NETO1: variants seen among roughly 807,000 people sequenced by gnomAD.
NETO1 encodes the protein neuropilin and tolloid like 1, also known as neuropilin and tolloid-like protein 1.
Under a neutral mutation model 61.3 loss-of-function variants are expected in NETO1, and 26 were observed. That is an observed-to-expected ratio of 0.42 (90% confidence interval 0.31 to 0.59). The LOEUF is 0.59. NETO1 is among the 20% of genes least tolerant of loss of function. NETO1 has a pLI of 0.12. For synonymous variants in NETO1, 225 were observed against 225.8 expected (o/e 1.00, Z 0.03); for missense variants, 531 against 662.8 (o/e 0.80, Z 2.18).
intron 9 of NETO1, 22 bp from the exon 10 acceptor site, chr18:72,749,110 A>G: frequency 7.0e-7 from 1 of 1,437,732 alleles, no homozygotes; most frequent in Non-Finnish European, 9.7e-7. Flanking sequence ...TGGCTATTTC[A>G]TTCAACAAAG....
At chr18:72,855,019 T>C (rs1354608629) in intron 4 of NETO1, among the ~76,000 whole-genome samples, 1 of 152,184 alleles carries the variant, frequency 6.6e-6, no homozygotes, top group Non-Finnish European at 1.5e-5. Context: ...TAAAACTTGT[T>C]TAAAGACTCT....
chr18:72,772,436 C>G (rs926022771), intron 7 of NETO1, among the ~76,000 whole-genome samples: 8 of 152,026 alleles, frequency 5.3e-5, no homozygotes, highest in Admixed American at 2.6e-4. Context: ...TCATCTAAAT[C>G]TGGTGCAGAC....
At chr18:72,799,279 A>G (rs974506002) in intron 4 of NETO1, among the ~76,000 whole-genome samples, 1 of 152,222 alleles carries the variant, frequency 6.6e-6, no homozygotes, top group Non-Finnish European at 1.5e-5. Flanking sequence ...ATGAGTCACC[A>G]TGGTATGCAA....
intron 6 of NETO1, 73 bp from the exon 7 acceptor site, chr18:72,783,979 CT>C (rs2071829002): frequency 1.0e-6 from 1 of 1,002,236 alleles, no homozygotes; most frequent in East Asian, 2.5e-5. Context: ...CTCCTTTTCT[CT>C]TTTTCAGTCT....
chr18:72,765,334 C>G (rs1245765352), intron 7 of NETO1, among the ~76,000 whole-genome samples: 2 of 152,138 alleles, frequency 1.3e-5, no homozygotes, highest in African/African-American at 4.8e-5. Context: ...TTGTTGCTTC[C>G]TCTTAAAAAG....
At chr18:72,858,405 G>A (rs1327752455) in intron 4 of NETO1, among the ~76,000 whole-genome samples, 1 of 152,136 alleles carries the variant, frequency 6.6e-6, no homozygotes, top group African/African-American at 2.4e-5. Flanking sequence ...ATTGAAACAC[G>A]GTAATTTTCA....
chr18:72,858,871 C>T lies in NETO1; in HGVS notation c.424G>A (p.Glu142Lys), dbSNP rs1432711977. The change falls in exon 4 of 11, where the codon GAG (glutamate) becomes AAG (lysine). Residue 142 changes from glutamate to lysine, a missense_variant. Transcript: ENST00000327305. ...FLWIKFFADG[E>K]LESMGFSARY... ...GCTGAAAATCCCATAGATTCCAGCT[C>T]TCCATCAGCAAAAAATTTAATCCAT... The T allele has an allele frequency of 3.1e-6, 5 of 1,613,680 alleles. No homozygotes were observed.
chr18:72,840,322 C>T (rs138266282), intron 4 of NETO1, among the ~76,000 whole-genome samples: 30 of 152,326 alleles, frequency 2.0e-4, no homozygotes, highest in Admixed American at 4.6e-4. Context: ...AAGCTACCCA[C>T]GGGCTCACCA....
At chr18:72,816,125 T>A (rs1212554687) in intron 4 of NETO1, among the ~76,000 whole-genome samples, 1 of 151,632 alleles carries the variant, frequency 6.6e-6, no homozygotes, top group Non-Finnish European at 1.5e-5. Flanking sequence ...CAATTCTCTA[T>A]CTCTCCAGCC....
At chr18:72,809,626 A>AT (rs1271732505) in intron 4 of NETO1, among the ~76,000 whole-genome samples, 1 of 152,258 alleles carries the variant, frequency 6.6e-6, no homozygotes, top group African/African-American at 2.4e-5. Flanking sequence ...ATCTTAATTC[A>AT]AAGAATATCT....
intron 7 of NETO1, among the ~76,000 whole-genome samples, chr18:72,779,703 T>C (rs978259121): frequency 1.3e-5 from 2 of 152,234 alleles, no homozygotes; most frequent in African/African-American, 4.8e-5. Flanking sequence ...TAAATAATGG[T>C]AGAATTCTGC....
At position 72,749,545 on chromosome 18, in the gene NETO1, T is replaced by G. The variant is rs114823923; in HGVS notation, c.1542-457A>C. ...TATGCAATTCCTAATATAAATATTA[T>G]GTAATATGTGAAAGAAAAGTATTTT... is the stretch of plus-strand genomic sequence containing the variant. On this transcript the variant is annotated intron_variant, in intron 9 of 10. Coordinates refer to ENST00000327305, the MANE Select transcript of NETO1 (RefSeq NM_138966.5). 6.4e-3 allele frequency among the ~76,000 whole-genome samples: 981 copies of G among 152,210 alleles called. 13 individuals carry two copies. Among genetic ancestry groups the G allele is most frequent in the African/African-American group, 0.023 (937 of 41,552 alleles).
intron 7 of NETO1, among the ~76,000 whole-genome samples, chr18:72,762,164 C>G (rs1599111186): frequency 1.4e-5 from 2 of 147,646 alleles, no homozygotes; most frequent in East Asian, 2.0e-4. Context: ...TTAGAATACA[C>G]TTTTTTTTTT....
intron 4 of NETO1, among the ~76,000 whole-genome samples, chr18:72,817,927 G>A (rs1469328336): frequency 6.6e-6 from 1 of 152,188 alleles, no homozygotes; most frequent in Non-Finnish European, 1.5e-5. Flanking sequence ...TCTGACCAAC[G>A]GCCAGTGAGC....
At chr18:72,783,955 C>T (rs374164142) in intron 6 of NETO1, 49 bp from the exon 7 acceptor site, 5 of 1,292,472 alleles carry the variant, frequency 3.9e-6, no homozygotes, top group East Asian at 2.3e-5. Context: ...TATGAATGTA[C>T]ATCAGTATCA....
At chr18:72,769,856 C>G (rs993724738) in intron 7 of NETO1, among the ~76,000 whole-genome samples, 30 of 152,042 alleles carry the variant, frequency 2.0e-4, no homozygotes, top group African/African-American at 7.0e-4. Context: ...AACCATTTAA[C>G]CAATCTACTT....
At chr18:72,866,167 C>A (rs113924277) in intron 1 of NETO1, among the ~76,000 whole-genome samples, 93 of 152,188 alleles carry the variant, frequency 6.1e-4, no homozygotes, top group Non-Finnish European at 1.0e-3. Flanking sequence ...ATTTTGTCAT[C>A]CAACGACATA....
intron 8 of NETO1, among the ~76,000 whole-genome samples, chr18:72,751,012 T>C (rs1410203273): frequency 1.7e-5 from 2 of 118,918 alleles, no homozygotes; most frequent in African/African-American, 3.4e-5. Flanking sequence ...GTCTTAAAAA[T>C]AGCCCCCCTC....
chr18:72,762,385 T>C (rs575958990), intron 7 of NETO1, among the ~76,000 whole-genome samples: 1 of 152,294 alleles, frequency 6.6e-6, no homozygotes, highest in African/African-American at 2.4e-5. Context: ...TTATGTAAAT[T>C]ATTTCAGAAA....
Sources: allele counts gnomAD v4.1 joint callset (sites outside exome capture counted in the v4.1 genomes callset), GRCh38; gene constraint gnomAD v4.1.1; transcripts MANE v1.5; gene names NCBI Gene and HGNC (gene_info 2026-07-23, HGNC 2026-07-21).